C14orf93: variants seen among roughly 807,000 people sequenced by gnomAD.
C14orf93 encodes uncharacterized protein C14orf93.
In C14orf93, 23 loss-of-function variants were observed where a neutral mutation model predicts 44.0. The observed-to-expected ratio is 0.52, with a 90% CI of 0.38 to 0.74. The LOEUF (loss-of-function observed/expected upper bound fraction) is 0.74. C14orf93 is among the 30% of genes least tolerant of loss of function. C14orf93 has a pLI of 0.00. For missense variants in C14orf93, 579 were observed against 678.9 expected, an observed-to-expected ratio of 0.85 and a Z score of 1.64; for synonymous variants, 253 against 265.7, an observed-to-expected ratio of 0.95 and a Z score of 0.46.
rs187016360 is a variant in C14orf93 at position 22,996,660 on chromosome 14, A to T, written c.598-392T>A. On this transcript the variant is annotated intron_variant, in intron 2 of 6. Coordinates refer to ENST00000299088, the MANE Select transcript of C14orf93 (RefSeq NM_021944.4). The surrounding 1 kb of genome is among the most constrained non-coding windows in gnomAD (Gnocchi z 4.1). The stretch of plus-strand genomic sequence containing the variant: ...AGAAGGAGTAAGAAAATAAAACAGT[A>T]ACAGCAATAAAGAGGAGACATAAAA... Among the ~76,000 whole-genome samples the T allele has an allele frequency of 6.6e-5, 10 of 152,364 alleles. No homozygotes were observed. The East Asian group carries it at 1.9e-3, about 29-fold the overall frequency.
At chr14:23,000,949 A>C (rs971330541) in intron 1 of C14orf93, 1 of 152,188 alleles carries the variant, frequency 6.6e-6, no homozygotes, top group African/African-American at 2.4e-5. Context: ...TTTCTGTGCC[A>C]GATACTTACT....
At chr14:23,002,581 G>A (rs1390833066) in intron 1 of C14orf93, 1 of 152,142 alleles carries the variant, frequency 6.6e-6, no homozygotes, top group African/African-American at 2.4e-5. Flanking sequence ...TGGTTTTTGT[G>A]AAGATTATAC....
rs1389803766 is a variant in C14orf93, at chr14:22,987,768, T to C, written c.1198-134A>G. The stretch of plus-strand genomic sequence containing the variant: ...CCAGTCCCCAAGTCAGATCTTAGCA[T>C]TGGCTCACTGTTCTTCTCTATCTTC... On this transcript the variant is annotated intron_variant, in intron 6 of 6. Coordinates refer to ENST00000299088, the MANE Select transcript of C14orf93 (RefSeq NM_021944.4). This position sits in a 1 kb window ranked among gnomAD's most constrained non-coding sequence, Gnocchi z 5.6. The C allele has an allele frequency of 7.4e-6, 9 of 1,217,554 alleles. No individual in the cohort carries two copies. Among genetic ancestry groups the C allele is most frequent in the Admixed American group, 2.4e-5 (1 of 41,280 alleles). The allele number at this position is 1,217,554 out of a possible 1,614,324, so 75.4% of individuals were successfully genotyped here. A position where few individuals can be genotyped will look rare whatever the true frequency, so the allele number is the denominator to read the frequency against.
chr14:22,998,136 G>C, intron 2 of C14orf93: 2 of 364,702 alleles, frequency 5.5e-6, no homozygotes, highest in Non-Finnish European at 9.8e-6. Context: ...AGAGTCCATG[G>C]AGCAGCCGAG....
Position 22,987,786 on chromosome 14 carries a change from C to CT in C14orf93, c.1197+116dup. 1 of 1,213,700 alleles carries CT rather than the reference C, an allele frequency of 8.2e-7. No homozygotes were observed. The highest frequency in any genetic ancestry group is 2.3e-5 in the Admixed American group (1 of 43,668). 75.2% of individuals were successfully genotyped at this position (1,213,700 alleles called of 1,614,324 possible). A position where few individuals can be genotyped will look rare whatever the true frequency, so the allele number is the denominator to read the frequency against. On this transcript the variant is annotated intron_variant, in intron 6 of 6. Transcript: ENST00000299088. The surrounding 1 kb of genome is among the most constrained non-coding windows in gnomAD (Gnocchi z 5.6). ...CTTAGCATTGGCTCACTGTTCTTCT[C>CT]TATCTTCCTACATTCCTGGCTCTCA...
intron 1 of C14orf93, among the ~76,000 whole-genome samples, chr14:23,004,724 G>A (rs1443863135): frequency 2.0e-5 from 3 of 151,970 alleles, no homozygotes; most frequent in Non-Finnish European, 4.4e-5. Context: ...TTCGAGACCA[G>A]CCTGACCAAC....
At chr14:22,990,744 C>G (rs946414990) in intron 3 of C14orf93, among the ~76,000 whole-genome samples, 1 of 151,966 alleles carries the variant, frequency 6.6e-6, no homozygotes, top group African/African-American at 2.4e-5. Context: ...GGTGGGATTA[C>G]AGGCATGAGC....
intron 3 of C14orf93, among the ~76,000 whole-genome samples, chr14:22,991,170 C>G (rs1321016827): frequency 7.0e-6 from 1 of 143,620 alleles, no homozygotes; most frequent in Non-Finnish European, 1.5e-5. Flanking sequence ...TATTTCTTTT[C>G]TTTTTTTTTT....
chr14:22,988,109 T>C (rs900524953), intron 5 of C14orf93, 94 bp from the exon 6 acceptor site: 19 of 806,334 alleles, frequency 2.4e-5, no homozygotes, highest in African/African-American at 5.2e-5. Context: ...GAATGGGAGG[T>C]TGGCGATCAC....
chr14:22,989,784 G>A lies in C14orf93; in HGVS notation c.1042C>T (p.Leu348=). Residue 348 remains leucine (L), a synonymous_variant, in exon 5 of 7, where the codon CTG becomes TTG. Coordinates refer to ENST00000299088, the MANE Select transcript of C14orf93 (RefSeq NM_021944.4). The stretch of plus-strand genomic sequence containing the variant: ...GTGTAATTGTGGGGACTGGTCACCA[G>A]CTCTTGCTTGAGCTTTTCCAGAAGA... The part of the protein sequence containing the change: ...KFLLEKLKQE[L]VTSPHNYTDK... The A allele has an allele frequency of 1.2e-6, 2 of 1,614,136 alleles. No individual in the cohort carries two copies. The highest frequency in any genetic ancestry group is 4.5e-5 in the East Asian group (2 of 44,876).
chr14:23,001,419 C>T (rs2046288968), intron 1 of C14orf93, among the ~76,000 whole-genome samples: 1 of 152,160 alleles, frequency 6.6e-6, no homozygotes, highest in African/African-American at 2.4e-5. Flanking sequence ...GGCTTTTACC[C>T]CTACCAGTGT....
At chr14:23,001,218 T>TA (rs2046275968) in intron 1 of C14orf93, among the ~76,000 whole-genome samples, 3 of 152,258 alleles carry the variant, frequency 2.0e-5, no homozygotes, top group Admixed American at 1.3e-4. Flanking sequence ...AGTTTGCTCT[T>TA]AAACATAGAT....
At chr14:23,003,857 CATATATATATATATATAT>C (rs1176882717) in intron 1 of C14orf93, among the ~76,000 whole-genome samples, 255 of 19,008 alleles carry the variant, frequency 0.013, no homozygotes, top group Middle Eastern at 0.083. Context: ...CTAATATATT[CATATATATATATATATAT>C]ATATATATAT....
At chr14:22,988,873 A>G (rs1391016983) in intron 5 of C14orf93, among the ~76,000 whole-genome samples, 1 of 152,124 alleles carries the variant, frequency 6.6e-6, no homozygotes, top group Non-Finnish European at 1.5e-5. Context: ...GGATTGCTTG[A>G]GCCCAGGAGT....
At chr14:23,004,891 C>T (rs890712124) in intron 1 of C14orf93, among the ~76,000 whole-genome samples, 2 of 152,114 alleles carry the variant, frequency 1.3e-5, no homozygotes, top group Non-Finnish European at 2.9e-5. Context: ...GCACTCCAGC[C>T]TGGGCAACAA....
Position 22,987,809 on chromosome 14 carries a change from T to C in C14orf93, c.1197+94A>G. 1 of 1,246,950 alleles carries C rather than the reference T, an allele frequency of 8.0e-7. No individual in the cohort carries two copies. The highest frequency in any genetic ancestry group is 1.1e-6 in the Non-Finnish European group (1 of 878,952). The allele number at this position is 1,246,950 out of a possible 1,614,324, so 77.2% of individuals were successfully genotyped here. A position where few individuals can be genotyped will look rare whatever the true frequency, so the allele number is the denominator to read the frequency against. ...CTCTATCTTCCTACATTCCTGGCTC[T>C]CAACCCTATTCTCATATGCCATGTC... is the stretch of plus-strand genomic sequence containing the variant. On this transcript the variant is annotated intron_variant, in intron 6 of 6. Transcript: ENST00000299088. The surrounding 1 kb of genome is among the most constrained non-coding windows in gnomAD (Gnocchi z 5.6).
At chr14:22,994,875 G>C (rs906518109) in intron 3 of C14orf93, among the ~76,000 whole-genome samples, 3 of 152,156 alleles carry the variant, frequency 2.0e-5, no homozygotes, top group Non-Finnish European at 2.9e-5. Flanking sequence ...GTGCACTGCA[G>C]GATGTTTAGC....
chr14:23,001,294 C>G (rs1039804432), intron 1 of C14orf93, among the ~76,000 whole-genome samples: 10 of 152,164 alleles, frequency 6.6e-5, no homozygotes, highest in African/African-American at 2.4e-4. Context: ...CAGCTGGGTT[C>G]AGTATTTGTA....
Sources: allele counts gnomAD v4.1 joint callset (sites outside exome capture counted in the v4.1 genomes callset), GRCh38; gene constraint gnomAD v4.1.1; non-coding constraint Gnocchi (gnomAD v3.1); transcripts MANE v1.5; gene names NCBI Gene and HGNC (gene_info 2026-07-23, HGNC 2026-07-21).